Variants in DPP6 observed in about 807,000 individuals in gnomAD.
The protein encoded by DPP6 is A-type potassium channel modulatory protein DPP6.
DPP6 carries 69 observed loss-of-function variants against 122.6 expected under a neutral mutation model. That is an observed-to-expected ratio of 0.56 (90% CI 0.46 to 0.69). DPP6 has a LOEUF of 0.69. Among genes scored for constraint, DPP6 ranks in the 30% least tolerant of loss-of-function variants. DPP6 has a pLI of 0.00. For missense variants in DPP6, 928 were observed against 1,116.9 expected (o/e 0.83, Z 2.41); for synonymous variants, 418 against 433.1 (o/e 0.97, Z 0.43).
intron 1 of DPP6, among the ~76,000 whole-genome samples, chr7:154,126,044 G>A (rs1167882348): frequency 6.6e-6 from 1 of 152,170 alleles, no homozygotes; most frequent in Non-Finnish European, 1.5e-5. Flanking sequence ...CGTGCTCACT[G>A]TAAGAAGTGG....
intron 1 of DPP6, among the ~76,000 whole-genome samples, chr7:154,207,269 C>T (rs2150799611): frequency 6.6e-6 from 1 of 152,282 alleles, no homozygotes; most frequent in Non-Finnish European, 1.5e-5. Context: ...CATTTCCTGA[C>T]ATTTTGAATT....
rs146589455 is a variant in DPP6 at position 154,133,071 on chromosome 7, C to T, written c.243+80008C>T. ...CTCTTTTGTCACTAGCAGTGATATACATAAACATCCCAAAAAAAAAGTAGC... is the reference window on the plus strand; with the variant it reads ...CTCTTTTGTCACTAGCAGTGATATATATAAACATCCCAAAAAAAAAGTAGC... On this transcript the variant is annotated intron_variant, in intron 1 of 25. Transcript: ENST00000377770. 7.9e-4 allele frequency among the ~76,000 whole-genome samples: 120 copies of T among 152,074 alleles called. 1 individual carries two copies. The East Asian group carries it at 0.023, about 29-fold the overall frequency.
intron 1 of DPP6, among the ~76,000 whole-genome samples, chr7:154,342,023 T>C (rs990852725): frequency 6.6e-6 from 1 of 152,216 alleles, no homozygotes; most frequent in African/African-American, 2.4e-5. Flanking sequence ...TCTCATCACC[T>C]GTGATTCTTT....
At chr7:153,907,820 T>C (rs1020905588) in intron 1 of DPP6, among the ~76,000 whole-genome samples, 1 of 152,204 alleles carries the variant, frequency 6.6e-6, no homozygotes, top group African/African-American at 2.4e-5. Context: ...CATTCCTTAG[T>C]ATAAATCTTT....
chr7:154,687,674 T>G (rs966389321), intron 7 of DPP6, among the ~76,000 whole-genome samples: 1 of 152,228 alleles, frequency 6.6e-6, no homozygotes, highest in African/African-American at 2.4e-5. Context: ...TTGATATTCT[T>G]TGGCAGGAAG....
rs1313609854 is a variant in DPP6, at chr7:154,457,208, A to G, written c.358+10880A>G. Among the ~76,000 whole-genome samples, 4 of 69,434 alleles carry G rather than the reference A, an allele frequency of 5.8e-5. 1 individual carries two copies. Among genetic ancestry groups the G allele is most frequent in the African/African-American group, 1.9e-4 (4 of 21,084 alleles). The allele number at this position is 69,434 out of a possible 152,430, so 45.6% of individuals were successfully genotyped here. On this transcript the variant is annotated intron_variant, in intron 2 of 25. Coordinates refer to ENST00000377770, the MANE Select transcript of DPP6 (RefSeq NM_130797.4). ...AAAGAAGACATTTATGCAGCCAAAA[A>G]ACACATGAAGAAATGCTCATCATCA...
chr7:154,548,209 A>G (rs188775809), intron 4 of DPP6, among the ~76,000 whole-genome samples: 95 of 152,116 alleles, frequency 6.2e-4, no homozygotes, highest in African/African-American at 2.2e-3. Flanking sequence ...ACTCCATCTC[A>G]AAGTAAAATA....
intron 1 of DPP6, among the ~76,000 whole-genome samples, chr7:153,996,280 T>C (rs1563085314): frequency 6.6e-6 from 1 of 152,222 alleles, no homozygotes; most frequent in African/African-American, 2.4e-5. Flanking sequence ...TAGGATGAAA[T>C]AAAAGTGTTC....
Position 154,486,754 on chromosome 7 carries a change from A to C in DPP6, c.457+11717A>C, listed in dbSNP as rs6953764. 0.095 allele frequency among the ~76,000 whole-genome samples: 14,432 copies of C among 152,150 alleles called. 2,075 individuals are homozygous for C. Among genetic ancestry groups the C allele is most frequent in the African/African-American group, 0.31 (12,945 of 41,458 alleles). On this transcript the variant is annotated intron_variant, in intron 3 of 25. Coordinates refer to ENST00000377770, the MANE Select transcript of DPP6 (RefSeq NM_130797.4). The surrounding 1 kb of genome is among the most constrained non-coding windows in gnomAD (Gnocchi z 4.5). ...ATGCACTTCCTCCGTCTGAAAGCAG[A>C]GAGAGGTGTGTCTTGGGGCAGGGCA...
intron 8 of DPP6, among the ~76,000 whole-genome samples, chr7:154,768,572 G>A (rs188597783): frequency 6.6e-6 from 1 of 152,180 alleles, no homozygotes; most frequent in Admixed American, 6.5e-5. Context: ...CAATGAAATG[G>A]GTTCTCTGAC....
At chr7:154,525,846 C>T (rs942899991) in intron 3 of DPP6, among the ~76,000 whole-genome samples, 8 of 151,706 alleles carry the variant, frequency 5.3e-5, no homozygotes, top group Non-Finnish European at 1.0e-4. Context: ...AAATGAGTTA[C>T]TGATCTACTT....
At chr7:154,214,261 T>G (rs1274777610) in intron 1 of DPP6, among the ~76,000 whole-genome samples, 1 of 152,232 alleles carries the variant, frequency 6.6e-6, no homozygotes, top group African/African-American at 2.4e-5. Flanking sequence ...ACCAAAGCAT[T>G]AAGCCAGGAT....
intron 9 of DPP6, among the ~76,000 whole-genome samples, chr7:154,770,371 C>T (rs1796184016): frequency 6.6e-6 from 1 of 152,126 alleles, no homozygotes; most frequent in Admixed American, 6.5e-5. Context: ...TGGGAAAGAC[C>T]TGCTCCCATG....
chr7:154,283,475 C>T (rs1176341688), intron 1 of DPP6, among the ~76,000 whole-genome samples: 1 of 151,808 alleles, frequency 6.6e-6, no homozygotes, highest in Non-Finnish European at 1.5e-5. Flanking sequence ...TTATCATCAT[C>T]ATCATCAAGA....
intron 1 of DPP6, among the ~76,000 whole-genome samples, chr7:154,220,749 T>C (rs536058028): frequency 1.3e-5 from 2 of 152,284 alleles, no homozygotes; most frequent in East Asian, 1.9e-4. Flanking sequence ...TATGTTGTTA[T>C]AGCAGCATGA....
At chr7:154,097,242 C>G (rs1372341411) in intron 1 of DPP6, among the ~76,000 whole-genome samples, 1 of 152,228 alleles carries the variant, frequency 6.6e-6, no homozygotes, top group African/African-American at 2.4e-5. Flanking sequence ...GTTTACAAAG[C>G]CAGGGTCCTA....
At chr7:154,019,727 G>A (rs1286862011) in intron 1 of DPP6, among the ~76,000 whole-genome samples, 1 of 152,168 alleles carries the variant, frequency 6.6e-6, no homozygotes, top group African/African-American at 2.4e-5. Context: ...TCTAAAGATG[G>A]TGTTATTATT....
intron 1 of DPP6, among the ~76,000 whole-genome samples, chr7:153,944,664 GTTTTTTTTTT>G (rs139824215): frequency 1.9e-5 from 2 of 106,982 alleles, no homozygotes; most frequent in Admixed American, 1.1e-4. Flanking sequence ...TTTTGTGTGG[GTTTTTTTTTT>G]TTTTTTTTTT....
At chr7:154,594,126 T>C (rs986644226) in intron 5 of DPP6, among the ~76,000 whole-genome samples, 1 of 152,194 alleles carries the variant, frequency 6.6e-6, no homozygotes, top group Non-Finnish European at 1.5e-5. Context: ...AGTCCGGTCA[T>C]TCTTATGGGT....
Sources: gnomAD v4.1 joint callset for allele counts (sites outside exome capture counted in the v4.1 genomes callset) on GRCh38, gnomAD v4.1.1 for gene constraint, Gnocchi (gnomAD v3.1) non-coding constraint, MANE v1.5 for transcripts, NCBI Gene and HGNC (gene_info 2026-07-23, HGNC 2026-07-21) for gene names.